RPS6KA6: variants seen among roughly 807,000 people sequenced by gnomAD.
RPS6KA6 encodes the protein ribosomal protein S6 kinase A6, also known as ribosomal protein S6 kinase alpha-6.
Under a neutral mutation model 65.4 loss-of-function variants are expected in RPS6KA6, and 27 were observed. The observed-to-expected ratio is 0.41, with a 90% CI of 0.30 to 0.57. The LOEUF (loss-of-function observed/expected upper bound fraction) is 0.57, where lower values mean the gene tolerates loss of function less well. Among genes scored for constraint, RPS6KA6 ranks in the 20% least tolerant of loss-of-function variants. The pLI is 0.24. For missense variants in RPS6KA6, 486 were observed against 555.6 expected (o/e 0.87, Z 1.26); for synonymous variants, 190 against 184.2 (o/e 1.03, Z -0.26).
intron 13 of RPS6KA6, 74 bp from the exon 14 acceptor site, chrX:84,107,114 A>G (rs750820612): frequency 7.8e-5 from 68 of 869,762 alleles, no homozygotes; most frequent in Non-Finnish European, 1.0e-4. Flanking sequence ...GAATTTCTTT[A>G]ACTATAAAGG....
At chrX:84,107,916 T>C (rs982209404) in intron 12 of RPS6KA6, among the ~76,000 whole-genome samples, 191 bp from the exon 13 acceptor site, 2 of 112,111 alleles carry the variant, frequency 1.8e-5, no homozygotes, top group Non-Finnish European at 1.9e-5. Context: ...CCAAGAAACA[T>C]AGCAATGATG....
intron 1 of RPS6KA6, among the ~76,000 whole-genome samples, chrX:84,178,246 T>C (rs929234296): frequency 8.9e-6 from 1 of 111,771 alleles, no homozygotes; most frequent in East Asian, 2.8e-4. Flanking sequence ...TGTCTAATAC[T>C]AAGCAACTAA....
chrX:84,135,057 A>C (rs763490015), intron 7 of RPS6KA6, 47 bp downstream of exon 7: 19 of 894,786 alleles, frequency 2.1e-5, no homozygotes, highest in Non-Finnish European at 2.9e-5. Flanking sequence ...GACAAAAAGC[A>C]GTTCCAGAAA....
chrX:84,159,370 T>C (rs1444522943), intron 2 of RPS6KA6, among the ~76,000 whole-genome samples: 1 of 111,178 alleles, frequency 9.0e-6, no homozygotes, highest in Non-Finnish European at 1.9e-5. Flanking sequence ...AGCTTGATAG[T>C]AGCAGCAATC....
intron 6 of RPS6KA6, among the ~76,000 whole-genome samples, chrX:84,136,171 G>T (rs1569228952): frequency 1.8e-5 from 2 of 111,835 alleles, no homozygotes; most frequent in East Asian, 5.6e-4. Context: ...GCCATTAGAT[G>T]TAATTTTTAA....
chrX:84,107,181 T>C (rs991309181), intron 13 of RPS6KA6, 141 bp from the exon 14 acceptor site: 1 of 477,813 alleles, frequency 2.1e-6, no homozygotes, highest in African/African-American at 2.4e-5. Context: ...ATTATCTGTC[T>C]CCTCCCATCT....
At chrX:84,131,641 G>A (rs73232983) in intron 8 of RPS6KA6, among the ~76,000 whole-genome samples, 8,566 of 111,183 alleles carry the variant, frequency 0.077, 315 homozygotes, top group Middle Eastern at 0.2. Flanking sequence ...TTCCTTTGCC[G>A]TACTATTTCT....
intron 8 of RPS6KA6, among the ~76,000 whole-genome samples, chrX:84,124,696 T>C (rs887376932): frequency 5.5e-5 from 6 of 109,742 alleles, no homozygotes; most frequent in African/African-American, 2.0e-4. Flanking sequence ...TAAGAGCTAC[T>C]GGACTTGAAT....
chrX:84,175,092 A>T (rs779929725), intron 1 of RPS6KA6, among the ~76,000 whole-genome samples: 22 of 111,802 alleles, frequency 2.0e-4, no homozygotes, highest in Non-Finnish European at 3.4e-4. Flanking sequence ...GCAAAGAGGA[A>T]TTCAGCTTTT....
intron 2 of RPS6KA6, among the ~76,000 whole-genome samples, chrX:84,163,571 G>A (rs1235118013): frequency 4.8e-5 from 5 of 103,386 alleles, no homozygotes; most frequent in Admixed American, 1.0e-4. Flanking sequence ...CCCGGGAGGC[G>A]GAGCTTGCAG....
At chrX:84,086,872 ATAGT>A (rs1186760109) in intron 20 of RPS6KA6, among the ~76,000 whole-genome samples, 5 of 111,644 alleles carry the variant, frequency 4.5e-5, no homozygotes, top group South Asian at 3.7e-4. Context: ...TATATTTATG[ATAGT>A]TAGTTCTCCT....
intron 20 of RPS6KA6, among the ~76,000 whole-genome samples, chrX:84,076,129 C>A (rs1181234762): frequency 8.9e-6 from 1 of 112,072 alleles, no homozygotes; most frequent in Non-Finnish European, 1.9e-5. Flanking sequence ...AAACAACTAA[C>A]CGAAATAGCC....
intron 1 of RPS6KA6, among the ~76,000 whole-genome samples, chrX:84,183,537 A>C (rs1602495830): frequency 9.0e-6 from 1 of 111,529 alleles, no homozygotes; most frequent in East Asian, 2.8e-4. Flanking sequence ...TTGAACCCTT[A>C]AACTGGCTTA....
chrX:84,183,852 G>A (rs867555437), intron 1 of RPS6KA6, among the ~76,000 whole-genome samples: 2 of 103,127 alleles, frequency 1.9e-5, no homozygotes, highest in Non-Finnish European at 3.9e-5. Context: ...TGATAATCTT[G>A]TGCCTTTTAC....
intron 20 of RPS6KA6, among the ~76,000 whole-genome samples, chrX:84,067,433 A>T (rs780505054): frequency 1.1e-3 from 122 of 111,827 alleles, no homozygotes; most frequent in Non-Finnish European, 2.0e-3. Context: ...AGGAACATAA[A>T]TGACCTGATG....
intron 6 of RPS6KA6, among the ~76,000 whole-genome samples, chrX:84,143,845 C>T (rs1293974365): frequency 2.7e-5 from 3 of 111,260 alleles, no homozygotes; most frequent in Non-Finnish European, 3.8e-5. Context: ...ACAAATGGAT[C>T]AATGAACAGA....
rs758036876 is a variant in RPS6KA6, at chrX:84,187,578, G to T, written c.81+241C>A. ...AGTCACAACAACTCTGGCGTGGCCC[G>T]CCAGGCAGGCGCTCCGCCCAAGGCC... is the stretch of plus-strand genomic sequence containing the variant. On this transcript the variant is annotated intron_variant, in intron 1 of 21. Transcript: ENST00000262752. 3 of 305,733 alleles carry T rather than the reference G, an allele frequency of 9.8e-6. No homozygotes were observed. The East Asian group carries it at 1.5e-4, about 16-fold the overall frequency. The allele number at this position is 305,733 out of a possible 1,213,427, so 25.2% of individuals were successfully genotyped here. A position where few individuals can be genotyped will look rare whatever the true frequency, so the allele number is the denominator to read the frequency against.
chrX:84,126,780 A>T (rs2034797594), intron 8 of RPS6KA6, among the ~76,000 whole-genome samples: 1 of 111,556 alleles, frequency 9.0e-6, no homozygotes, highest in East Asian at 2.8e-4. Context: ...AAAGAAATTT[A>T]AAAATTTCTT....
chrX:84,121,230 C>T (rs2034666176), intron 8 of RPS6KA6, among the ~76,000 whole-genome samples: 1 of 111,530 alleles, frequency 9.0e-6, no homozygotes, highest in Admixed American at 9.5e-5. Context: ...CATCTACCAG[C>T]TAATTCACTG....
Sources: allele counts gnomAD v4.1 joint callset (sites outside exome capture counted in the v4.1 genomes callset), GRCh38; gene constraint gnomAD v4.1.1; transcripts MANE v1.5; gene names NCBI Gene and HGNC (gene_info 2026-07-23, HGNC 2026-07-21).